Variants in LHFPL3 observed in about 807,000 individuals in gnomAD.
LHFPL3 encodes LHFPL tetraspan subfamily member 3 protein.
A neutral mutation model predicts 19.3 loss-of-function variants in LHFPL3; 5 were observed. The observed-to-expected ratio is 0.26, with a 90% confidence interval of 0.14 to 0.54. The LOEUF (loss-of-function observed/expected upper bound fraction) is 0.54. Ranked by LOEUF, LHFPL3 falls within the 20% of genes least tolerant of loss-of-function variation. LHFPL3 has a pLI of 0.94. For missense variants in LHFPL3, 249 were observed against 307.4 expected (o/e 0.81, Z 1.42); for synonymous variants, 133 against 126.2 (o/e 1.05, Z -0.36).
At chr7:104,831,683 T>C (rs1010797322) in intron 2 of LHFPL3, among the ~76,000 whole-genome samples, 1 of 151,774 alleles carries the variant, frequency 6.6e-6, no homozygotes, top group Non-Finnish European at 1.5e-5. Context: ...AAAATAAAAA[T>C]GCAGTGGGGA....
chr7:104,499,273 T>C (rs1203095211), intron 1 of LHFPL3, among the ~76,000 whole-genome samples: 2 of 152,260 alleles, frequency 1.3e-5, no homozygotes, highest in Non-Finnish European at 2.9e-5. Flanking sequence ...ATCTACCTAT[T>C]TGCTCATTTG....
At chr7:104,577,768 G>C (rs905610289) in intron 1 of LHFPL3, among the ~76,000 whole-genome samples, 1 of 152,110 alleles carries the variant, frequency 6.6e-6, no homozygotes, top group African/African-American at 2.4e-5. Context: ...CTGTGGCTCC[G>C]TGAGTGGTCA....
intron 1 of LHFPL3, among the ~76,000 whole-genome samples, chr7:104,706,935 A>G (rs1263977172): frequency 7.3e-6 from 1 of 137,708 alleles, no homozygotes; most frequent in Non-Finnish European, 1.6e-5. Context: ...GATAATGACT[A>G]CAAGACCTGA....
intron 1 of LHFPL3, among the ~76,000 whole-genome samples, chr7:104,536,362 A>G (rs1220204965): frequency 6.6e-6 from 1 of 152,164 alleles, no homozygotes; most frequent in African/African-American, 2.4e-5. Context: ...GATATCAAAT[A>G]CAGATGAATT....
intron 1 of LHFPL3, among the ~76,000 whole-genome samples, chr7:104,561,525 C>T (rs201955492): frequency 0.26 from 39,879 of 150,488 alleles, 6,490 homozygotes; most frequent in East Asian, 0.46. Flanking sequence ...TTTTGTTTTC[C>T]ATTGGCTTGG....
Position 104,721,730 on chromosome 7 carries a change from G to C in LHFPL3, c.446-14945G>C, listed in dbSNP as rs1193181197. On this transcript the variant is annotated intron_variant, in intron 1 of 2. Transcript: ENST00000424859. ...TGGAAAGGAATGAGAAGTGGAATAA[G>C]GGGCCAAGAGTATTTAAGGAAAAAT... 2.0e-5 allele frequency among the ~76,000 whole-genome samples: 3 copies of C among 151,210 alleles called. 1 individual carries two copies. In the East Asian group the frequency reaches 5.8e-4, roughly 29 times the overall value.
intron 1 of LHFPL3, among the ~76,000 whole-genome samples, chr7:104,581,732 G>T (rs1006921322): frequency 6.6e-6 from 1 of 151,718 alleles, no homozygotes; most frequent in African/African-American, 2.4e-5. Flanking sequence ...ACTATTTTTT[G>T]AAAAGGCTTT....
intron 1 of LHFPL3, among the ~76,000 whole-genome samples, chr7:104,651,915 T>C (rs187816411): frequency 6.6e-6 from 1 of 152,336 alleles, no homozygotes; most frequent in East Asian, 1.9e-4. Flanking sequence ...ACATCACATA[T>C]GTGGGGTGCC....
intron 1 of LHFPL3, among the ~76,000 whole-genome samples, chr7:104,507,150 G>A (rs1793715076): frequency 6.6e-6 from 1 of 152,104 alleles, no homozygotes; most frequent in Non-Finnish European, 1.5e-5. Flanking sequence ...AAATTGCCAA[G>A]TCAATCCTAA....
At chr7:104,445,971 A>G (rs1046331111) in intron 1 of LHFPL3, among the ~76,000 whole-genome samples, 8 of 152,186 alleles carry the variant, frequency 5.3e-5, no homozygotes, top group Non-Finnish European at 1.5e-5. Context: ...TGCTAATGAA[A>G]GTCAAGTGTT....
At chr7:104,590,266 C>G (rs1334099131) in intron 1 of LHFPL3, among the ~76,000 whole-genome samples, 7 of 152,204 alleles carry the variant, frequency 4.6e-5, no homozygotes, top group African/African-American at 1.4e-4. Context: ...ATACGTTTCC[C>G]TCTGCACACT....
chr7:104,393,104 A>G (rs1791111053), intron 1 of LHFPL3, among the ~76,000 whole-genome samples: 1 of 152,208 alleles, frequency 6.6e-6, no homozygotes, highest in African/African-American at 2.4e-5. Flanking sequence ...AATGGAAATG[A>G]AAACAATGAG....
chr7:104,788,507 A>G (rs1345177925), intron 2 of LHFPL3, among the ~76,000 whole-genome samples: 1 of 152,232 alleles, frequency 6.6e-6, no homozygotes, highest in Non-Finnish European at 1.5e-5. Flanking sequence ...CTGTTGGAAA[A>G]GTATGTAGTG....
At chr7:104,393,397 A>C (rs1472610748) in intron 1 of LHFPL3, among the ~76,000 whole-genome samples, 1 of 152,092 alleles carries the variant, frequency 6.6e-6, no homozygotes, top group African/African-American at 2.4e-5. Context: ...AAAAAAAAAA[A>C]TTATGTTCAT....
At chr7:104,877,375 G>A (rs1258605152) in intron 2 of LHFPL3, among the ~76,000 whole-genome samples, 2 of 152,158 alleles carry the variant, frequency 1.3e-5, no homozygotes, top group Non-Finnish European at 2.9e-5. Context: ...TAAGGGACTT[G>A]TATCCAAAGT....
At chr7:104,854,136 G>C (rs1392174080) in intron 2 of LHFPL3, among the ~76,000 whole-genome samples, 1 of 152,162 alleles carries the variant, frequency 6.6e-6, no homozygotes, top group Non-Finnish European at 1.5e-5. Flanking sequence ...GAGATACCCA[G>C]AGACATGAGC....
chr7:104,354,114 G>T (rs1418562019), intron 1 of LHFPL3, among the ~76,000 whole-genome samples: 2 of 152,070 alleles, frequency 1.3e-5, no homozygotes. Context: ...ATGGTATTCT[G>T]CTATAGATTT....
intron 1 of LHFPL3, among the ~76,000 whole-genome samples, chr7:104,392,045 G>A (rs11764131): frequency 0.089 from 13,569 of 152,164 alleles, 662 homozygotes; most frequent in Non-Finnish European, 0.1. Context: ...TGTATCCTGA[G>A]GCTTTGCTGA....
At chr7:104,355,907 A>G (rs904238966) in intron 1 of LHFPL3, among the ~76,000 whole-genome samples, 6 of 152,226 alleles carry the variant, frequency 3.9e-5, no homozygotes, top group African/African-American at 1.4e-4. Flanking sequence ...AAGCCAGCAC[A>G]GATTCTCATT....
Sources: gnomAD v4.1 joint callset for allele counts (sites outside exome capture counted in the v4.1 genomes callset) on GRCh38, gnomAD v4.1.1 for gene constraint, MANE v1.5 for transcripts, NCBI Gene and HGNC (gene_info 2026-07-23, HGNC 2026-07-21) for gene names.